The following ERMP1 variants were observed in gnomAD, a reference collection of about 807,000 sequenced individuals.
ERMP1 encodes the protein endoplasmic reticulum metallopeptidase 1.
Under a neutral mutation model 92.0 loss-of-function variants are expected in ERMP1, and 86 were observed. The ratio of observed to expected loss-of-function variants is 0.93; its 90% CI spans 0.79 to 1.12. The LOEUF (loss-of-function observed/expected upper bound fraction) is 1.12. ERMP1 is among the 50% of genes most tolerant of loss of function. The pLI is 0.00. For missense variants in ERMP1, 1,342 were observed against 1,116.3 expected, an observed-to-expected ratio of 1.20 and a Z score of -2.88; for synonymous variants, 530 against 412.8, an observed-to-expected ratio of 1.28 and a Z score of -3.44.
chr9:5,794,017 T>C (rs1259707539), intron 13 of ERMP1, among the ~76,000 whole-genome samples: 3 of 152,092 alleles, frequency 2.0e-5, no homozygotes, highest in Admixed American at 6.5e-5. Context: ...AAATGGAACA[T>C]TCATCAAGAG....
intron 4 of ERMP1, among the ~76,000 whole-genome samples, chr9:5,822,771 C>A (rs998083730): frequency 6.6e-6 from 1 of 152,150 alleles, no homozygotes; most frequent in African/African-American, 2.4e-5. Flanking sequence ...CTAAAAAAAT[C>A]TATGAGCTCT....
chr9:5,840,950 T>C (rs1345270435), intron 6 of ERMP1, among the ~76,000 whole-genome samples: 1 of 152,236 alleles, frequency 6.6e-6, no homozygotes, highest in Non-Finnish European at 1.5e-5. Context: ...TTAAAGTTGA[T>C]GAAAGGCAAC....
chr9:5,791,635 T>G (rs916859879), intron 13 of ERMP1, among the ~76,000 whole-genome samples: 2 of 151,218 alleles, frequency 1.3e-5, no homozygotes, highest in Non-Finnish European at 2.9e-5. Flanking sequence ...GCAAACAAAC[T>G]CTTTACAGCT....
intron 6 of ERMP1, among the ~76,000 whole-genome samples, chr9:5,851,682 T>C (rs1388883672): frequency 6.6e-6 from 1 of 152,208 alleles, no homozygotes; most frequent in Non-Finnish European, 1.5e-5. Context: ...CTGTTAAGTC[T>C]GTGGCAGCTG....
intron 6 of ERMP1, among the ~76,000 whole-genome samples, chr9:5,843,931 C>A (rs1329056338): frequency 6.6e-6 from 1 of 152,148 alleles, no homozygotes; most frequent in East Asian, 1.9e-4. Context: ...ATGGGAAGAG[C>A]AGTGCATCCT....
chr9:5,803,241 G>C (rs993164533), intron 10 of ERMP1, among the ~76,000 whole-genome samples: 2 of 152,160 alleles, frequency 1.3e-5, no homozygotes, highest in African/African-American at 4.8e-5. Flanking sequence ...ACATAAGTAA[G>C]AAAATAATTA....
chr9:5,830,347 T>C (rs1255761961), intron 2 of ERMP1, among the ~76,000 whole-genome samples: 3 of 152,168 alleles, frequency 2.0e-5, no homozygotes, highest in Non-Finnish European at 4.4e-5. Flanking sequence ...TGTCCTTATG[T>C]GGTATCCCCA....
Position 5,844,847 on chromosome 9 carries a change from T to A in ERMP1, n.3200-11535A>T, listed in dbSNP as rs912173319. Among the ~76,000 whole-genome samples, 5 of 152,218 alleles carry A rather than the reference T, an allele frequency of 3.3e-5. 1 individual carries two copies. The South Asian group carries it at 1.0e-3, about 31-fold the overall frequency. The stretch of plus-strand genomic sequence containing the variant: ...AACCTCAGGTCTTCTAAAGTCACCA[T>A]CTGCTACAGAAACAAAAGTCAACAA... On this transcript the variant is annotated intron_variant and non_coding_transcript_variant, in intron 6 of 6. Coordinates refer to the ERMP1 transcript ENST00000690753.
At chr9:5,812,042 G>C in intron 6 of ERMP1, 83 bp downstream of exon 6, 1 of 868,068 alleles carries the variant, frequency 1.2e-6, no homozygotes. Context: ...CTAATGCACA[G>C]GCCACAGAAT....
intron 2 of ERMP1, among the ~76,000 whole-genome samples, chr9:5,827,540 A>T (rs1400277311): frequency 6.6e-6 from 1 of 152,202 alleles, no homozygotes. Flanking sequence ...ATTGTTGCTA[A>T]GGGTATTCCT....
chr9:5,834,849 C>G (rs149097074), upstream of ERMP1, among the ~76,000 whole-genome samples: 396 of 151,770 alleles, frequency 2.6e-3, 4 homozygotes, highest in African/African-American at 9.0e-3. Context: ...CTTTAGTACA[C>G]ATGGCATTAT....
intron 13 of ERMP1, among the ~76,000 whole-genome samples, chr9:5,789,273 A>G (rs552217258): frequency 5.1e-4 from 78 of 152,326 alleles, no homozygotes; most frequent in Non-Finnish European, 9.7e-4. Flanking sequence ...TCTTCAATAA[A>G]AAGTTTGATC....
chr9:5,861,500 A>T (rs1830493664), intron 5 of ERMP1, among the ~76,000 whole-genome samples: 1 of 152,208 alleles, frequency 6.6e-6, no homozygotes, highest in Non-Finnish European at 1.5e-5. Flanking sequence ...TTGATTAAAG[A>T]CCTATTTGTC....
chr9:5,841,751 A>C (rs1830165634), intron 6 of ERMP1, among the ~76,000 whole-genome samples: 1 of 152,184 alleles, frequency 6.6e-6, no homozygotes, highest in Non-Finnish European at 1.5e-5. Flanking sequence ...AGATTGCGCC[A>C]ATGTGTGTCC....
chr9:5,818,079 T>C (rs974500426), intron 4 of ERMP1, among the ~76,000 whole-genome samples: 1 of 151,852 alleles, frequency 6.6e-6, no homozygotes, highest in Non-Finnish European at 1.5e-5. Context: ...GGTGGATCAC[T>C]TGAGCCCAGG....
Position 5,831,031 on chromosome 9 carries a change from G to A in ERMP1, c.339-3C>T. 1 of 1,599,628 alleles carries A rather than the reference G, an allele frequency of 6.3e-7. No individual in the cohort carries two copies. Among genetic ancestry groups the A allele is most frequent in the Non-Finnish European group, 8.5e-7 (1 of 1,171,026 alleles). On this transcript the variant is annotated splice_polypyrimidine_tract_variant and splice_region_variant and intron_variant, in intron 1 of 14. Coordinates refer to ENST00000339450, the MANE Select transcript of ERMP1 (RefSeq NM_024896.3). ...AGGTTATGTGTTCAAGATAATCCCT[G>A]GAAGTAACCAAAAGAATAACAAAGG... is the stretch of plus-strand genomic sequence containing the variant.
chr9:5,791,407 T>C, intron 13 of ERMP1: 1 of 434,748 alleles, frequency 2.3e-6, no homozygotes, highest in East Asian at 7.0e-5. Flanking sequence ...CTCACTTGCA[T>C]TATGGAGGGC....
rs779748932 is a variant in ERMP1 at position 5,805,074 on chromosome 9, G to C, written c.1867C>G (p.Leu623Val). The change falls in exon 10 of 15, where the codon CTG becomes GTG. Residue 623 changes from leucine (L) to valine (V), a missense_variant. Transcript: ENST00000339450. ...SGSEIPPDVV[L>V]ASILAGCTMI... is the part of the protein sequence containing the mutation. Reference sequence around the variant, plus strand: ...GTACAGCCAGCCAAAATGGATGCCAGCACAACATCAGGTGGGATTTCAGAA... The same window carrying C: ...GTACAGCCAGCCAAAATGGATGCCACCACAACATCAGGTGGGATTTCAGAA... 1.9e-6 allele frequency: 3 copies of C among 1,613,490 alleles called. No individual in the cohort carries two copies. Among genetic ancestry groups the C allele is most frequent in the Non-Finnish European group, 2.5e-6 (3 of 1,179,894 alleles).
intron 4 of ERMP1, among the ~76,000 whole-genome samples, chr9:5,813,830 G>A (rs935116890): frequency 6.7e-6 from 1 of 149,274 alleles, no homozygotes; most frequent in Non-Finnish European, 1.5e-5. Flanking sequence ...TTTCCTGTAG[G>A]ATAGTGGGAT....
Sources: allele counts gnomAD v4.1 joint callset (sites outside exome capture counted in the v4.1 genomes callset), GRCh38; gene constraint gnomAD v4.1.1; transcripts MANE v1.5; gene names NCBI Gene and HGNC (gene_info 2026-07-23, HGNC 2026-07-21).